METTL9: variants seen among roughly 807,000 people sequenced by gnomAD.
METTL9 encodes protein-L-histidine N-pros-methyltransferase.
METTL9 carries 10 observed loss-of-function variants against 36.0 expected under a neutral mutation model. The ratio of observed to expected loss-of-function variants is 0.28; its 90% CI spans 0.17 to 0.47. METTL9 has a LOEUF of 0.47. Ranked by LOEUF, METTL9 falls within the 20% of genes least tolerant of loss-of-function variation. The pLI, the probability that METTL9 is intolerant of heterozygous loss-of-function variation, is 0.99. For missense variants in METTL9, 246 were observed against 383.5 expected (o/e 0.64, Z 3.00); for synonymous variants, 175 against 149.7 (o/e 1.17, Z -1.23).
At chr16:21,621,139 TGAGA>T (rs200770003) in intron 3 of METTL9, among the ~76,000 whole-genome samples, 4 of 150,912 alleles carry the variant, frequency 2.7e-5, no homozygotes, top group Non-Finnish European at 4.4e-5. Context: ...CTGGCTAATT[TGAGA>T]GAGAGAGTGT....
In METTL9 at chr16:21,599,820, C is replaced by T. The variant is rs1965058573; in HGVS notation, c.87C>T (p.Thr29=). 1.9e-6 allele frequency: 3 copies of T among 1,544,682 alleles called. No individual in the cohort carries two copies. Among genetic ancestry groups the T allele is most frequent in the South Asian group, 1.2e-5 (1 of 84,034 alleles). ...RRMWTLRSPL[T]RSLYVNMTSG... is the part of the protein sequence containing the mutation. ...TGTGGACGCTGCGGAGCCCGCTCAC[C>T]CGCTCCCTGTACGTGAACATGACTA... The change falls in exon 1 of 5, where the codon ACC becomes ACT. Residue 29 remains threonine, a synonymous_variant. Transcript: ENST00000358154. The surrounding 1 kb of genome is among the most constrained non-coding windows in gnomAD (Gnocchi z 4.4).
chr16:21,627,124 G>T (rs187733699), intron 4 of METTL9: 4 of 985,198 alleles, frequency 4.1e-6, no homozygotes, highest in Non-Finnish European at 4.8e-6. Flanking sequence ...TTTTGCAGGC[G>T]CGCCACGGCA....
chr16:21,635,519 A>G (rs1567339722), intron 4 of METTL9, among the ~76,000 whole-genome samples: 2 of 152,170 alleles, frequency 1.3e-5, no homozygotes, highest in Admixed American at 6.5e-5. Flanking sequence ...AAGCTTGGAC[A>G]TAAGGTATTT....
rs530178279 is a variant in METTL9 at position 21,617,282 on chromosome 16, G to A, written c.357-583G>A. ...AAATCCAAAAAATTAGTCAGGTGTG[G>A]TGGCGGGCGCCTGTAGTCCCAGCTA... On this transcript the variant is annotated intron_variant, in intron 2 of 4. Transcript: ENST00000358154. Among the ~76,000 whole-genome samples, 374 of 152,050 alleles carry A rather than the reference G, an allele frequency of 2.5e-3. 4 individuals carry two copies. Among genetic ancestry groups the A allele is most frequent in the African/African-American group, 8.5e-3 (354 of 41,464 alleles).
At chr16:21,649,730 G>C (rs1481444389) in intron 4 of METTL9, among the ~76,000 whole-genome samples, 1 of 151,964 alleles carries the variant, frequency 6.6e-6, no homozygotes, top group Non-Finnish European at 1.5e-5. Flanking sequence ...TTTGAGATAG[G>C]GTCCCACTGT....
At chr16:21,640,596 C>CAAAAAAAAA (rs368761095) in intron 4 of METTL9, 64 of 64,872 alleles carry the variant, frequency 9.9e-4, no homozygotes, top group Non-Finnish European at 1.1e-3. Context: ...ACTAAAAATA[C>CAAAAAAAAA]AAAAAAAAAA....
At chr16:21,651,956 T>G (rs1597791762) in intron 4 of METTL9, 1 of 152,130 alleles carries the variant, frequency 6.6e-6, no homozygotes, top group Non-Finnish European at 1.5e-5. Flanking sequence ...TCTTCACAGA[T>G]GAGAAAAAAT....
chr16:21,610,229 G>A (rs1441103326), intron 1 of METTL9, among the ~76,000 whole-genome samples: 3 of 152,190 alleles, frequency 2.0e-5, no homozygotes, highest in East Asian at 1.9e-4. Context: ...GACATTTCAC[G>A]TAAGTGGAAT....
chr16:21,614,707 C>G (rs917887884), intron 2 of METTL9, among the ~76,000 whole-genome samples: 2 of 152,120 alleles, frequency 1.3e-5, no homozygotes, highest in Non-Finnish European at 2.9e-5. Context: ...ACTTATCAAA[C>G]TTCCTTTATT....
chr16:21,607,308 C>G (rs1401658068), intron 1 of METTL9, among the ~76,000 whole-genome samples: 1 of 152,186 alleles, frequency 6.6e-6, no homozygotes, highest in African/African-American at 2.4e-5. Flanking sequence ...CTCTTGACTT[C>G]AAGTGATCTG....
intron 1 of METTL9, among the ~76,000 whole-genome samples, chr16:21,606,024 T>A (rs973356501): frequency 1.8e-4 from 28 of 151,690 alleles, no homozygotes; most frequent in African/African-American, 6.5e-4. Context: ...CCTAATTTCC[T>A]ATAATAGAAT....
chr16:21,612,912 C>T (rs1360556411), intron 2 of METTL9, 77 bp downstream of exon 2: 4 of 1,313,764 alleles, frequency 3.0e-6, no homozygotes, highest in East Asian at 2.5e-5. Context: ...GAAAAGTTAT[C>T]TTGTTCAGCA....
At chr16:21,643,979 C>G (rs1966350492) in intron 4 of METTL9, among the ~76,000 whole-genome samples, 1 of 152,162 alleles carries the variant, frequency 6.6e-6, no homozygotes, top group Admixed American at 6.5e-5. Flanking sequence ...ATCTCGCCCT[C>G]CACCTGCCCA....
At chr16:21,605,257 C>CTTTTTTTGTTTTTTTT (rs1965247379) in intron 1 of METTL9, among the ~76,000 whole-genome samples, 1 of 51,204 alleles carries the variant, frequency 2.0e-5, no homozygotes, top group Non-Finnish European at 3.9e-5. Context: ...GGCTTGCCTT[C>CTTTTTTTGTTTTTTTT]TTTTTTTTTT....
At chr16:21,636,304 C>T (rs535989221) in intron 4 of METTL9, among the ~76,000 whole-genome samples, 7 of 152,292 alleles carry the variant, frequency 4.6e-5, no homozygotes, top group South Asian at 4.1e-4. Context: ...CCCCCTATGA[C>T]GGGGCTTTGG....
Position 21,639,488 on chromosome 16 carries a change from T to A in METTL9, c.751+14373T>A, listed in dbSNP as rs147905852. 591 of 152,352 alleles carry A rather than the reference T, an allele frequency of 3.9e-3. 9 individuals carry two copies. Among genetic ancestry groups the A allele is most frequent in the African/African-American group, 0.013 (555 of 41,590 alleles). The allele number at this position is 152,352 out of a possible 1,614,324, so 9.4% of individuals were successfully genotyped here. On this transcript the variant is annotated intron_variant, in intron 4 of 4. Coordinates refer to ENST00000358154, the MANE Select transcript of METTL9 (RefSeq NM_016025.5). ...TTTGCAGTCTGGCTTAGAAGCTCATTACTTTACCTGAGCTAGTGGTCTCAG... is the reference window on the plus strand; with the variant it reads ...TTTGCAGTCTGGCTTAGAAGCTCATAACTTTACCTGAGCTAGTGGTCTCAG...
At chr16:21,652,796 C>CTT in intron 4 of METTL9, 3 of 432,060 alleles carry the variant, frequency 6.9e-6, no homozygotes, top group Non-Finnish European at 8.3e-6. Context: ...ATGTGCATAT[C>CTT]TTTTTTTTTT....
chr16:21,644,503 T>TA (rs1966371010), intron 4 of METTL9: 5 of 726,328 alleles, frequency 6.9e-6, no homozygotes, highest in Admixed American at 4.9e-5. Context: ...AACGTGAACT[T>TA]ACTCTGCTTG....
intron 3 of METTL9, among the ~76,000 whole-genome samples, chr16:21,620,572 T>C (rs2152895140): frequency 6.6e-6 from 1 of 152,324 alleles, no homozygotes; most frequent in East Asian, 1.9e-4. Context: ...AAACTTCAGA[T>C]GTTTGAAATT....
Sources: gnomAD v4.1 joint callset for allele counts (sites outside exome capture counted in the v4.1 genomes callset) on GRCh38, gnomAD v4.1.1 for gene constraint, Gnocchi (gnomAD v3.1) non-coding constraint, MANE v1.5 for transcripts, NCBI Gene and HGNC (gene_info 2026-07-23, HGNC 2026-07-21) for gene names.